The following NAALADL2 variants were observed in gnomAD, a reference collection of about 807,000 sequenced individuals.
The protein encoded by NAALADL2 is N-acetylated alpha-linked acidic dipeptidase like 2, also known as inactive N-acetylated-alpha-linked acidic dipeptidase-like protein 2.
In NAALADL2, 76 loss-of-function variants were observed where a neutral mutation model predicts 87.2. That is an observed-to-expected ratio of 0.87 (90% CI 0.72 to 1.05). NAALADL2 has a LOEUF of 1.05. Among genes scored for constraint, NAALADL2 ranks in the 50% least tolerant of loss-of-function variants. The pLI is 0.00. For missense variants in NAALADL2, 1,089 were observed against 945.8 expected (o/e 1.15, Z -1.99); for synonymous variants, 354 against 331.0 (o/e 1.07, Z -0.75).
chr3:175,469,037 CAATT>C (rs1724507037), intron 8 of NAALADL2, among the ~76,000 whole-genome samples: 1 of 151,960 alleles, frequency 6.6e-6, no homozygotes, highest in South Asian at 2.1e-4. Flanking sequence ...CTATTCAAAA[CAATT>C]AAGTACCAAT....
At chr3:174,885,932 T>A (rs1003582656) in intron 1 of NAALADL2, among the ~76,000 whole-genome samples, 70 of 114,676 alleles carry the variant, frequency 6.1e-4, no homozygotes, top group African/African-American at 1.8e-3. Flanking sequence ...TTTTTTTTTT[T>A]AGATGGAGTC....
chr3:174,804,118 ATTTG>A (rs1719178308), intron 3 of NAALADL2, among the ~76,000 whole-genome samples: 1 of 151,940 alleles, frequency 6.6e-6, no homozygotes, highest in Non-Finnish European at 1.5e-5. Flanking sequence ...ATGTTCTTCC[ATTTG>A]TTTGTGTCCT....
intron 4 of NAALADL2, among the ~76,000 whole-genome samples, chr3:175,296,302 T>G (rs1330185266): frequency 6.6e-6 from 1 of 152,158 alleles, no homozygotes; most frequent in African/African-American, 2.4e-5. Flanking sequence ...ATGGAAGAGC[T>G]GTCCTGCTCA....
chr3:175,754,654 T>C (rs1747028727), intron 12 of NAALADL2, among the ~76,000 whole-genome samples: 1 of 152,228 alleles, frequency 6.6e-6, no homozygotes, highest in African/African-American at 2.4e-5. Flanking sequence ...ACTCGGTTTT[T>C]ATTTTCTTCC....
intron 3 of NAALADL2, among the ~76,000 whole-genome samples, chr3:174,811,965 C>T (rs9290521): frequency 0.18 from 27,711 of 151,916 alleles, 2,817 homozygotes; most frequent in East Asian, 0.35. Flanking sequence ...GGCACCTCCC[C>T]CTCTTTCTCT....
At chr3:175,172,937 A>G (rs150149472) in intron 2 of NAALADL2, among the ~76,000 whole-genome samples, 210 of 152,248 alleles carry the variant, frequency 1.4e-3, no homozygotes, top group African/African-American at 4.9e-3. Flanking sequence ...GCAAAGGAAT[A>G]AAAGTACAGC....
At chr3:174,740,511 A>T (rs1048700719) in intron 3 of NAALADL2, among the ~76,000 whole-genome samples, 9 of 151,942 alleles carry the variant, frequency 5.9e-5, no homozygotes, top group Non-Finnish European at 1.3e-4. Context: ...ATGAGTATGA[A>T]TTAAATTTAG....
intron 2 of NAALADL2, among the ~76,000 whole-genome samples, chr3:174,584,095 TA>T (rs1716442951): frequency 6.6e-6 from 1 of 152,164 alleles, no homozygotes; most frequent in South Asian, 2.1e-4. Flanking sequence ...AGCTGGATGC[TA>T]ACAGGCTAAG....
intron 3 of NAALADL2, among the ~76,000 whole-genome samples, chr3:174,775,107 A>G (rs1336334692): frequency 6.6e-6 from 1 of 152,144 alleles, no homozygotes; most frequent in Non-Finnish European, 1.5e-5. Flanking sequence ...TTACTAGTAT[A>G]TATATACATA....
rs976054615 is a variant in NAALADL2, at chr3:174,694,171, C to G, written c.-114-43470C>G. 7.2e-5 allele frequency among the ~76,000 whole-genome samples: 11 copies of G among 152,232 alleles called. No homozygotes were observed. In the South Asian group the frequency reaches 8.3e-4, roughly 11 times the overall value. On this transcript the variant is annotated intron_variant, in intron 2 of 3. Transcript: ENST00000434257. Reference sequence around the variant, plus strand: ...TCTCTTTTGCCATACATTTCCCTATCCCTTCCTCTTCATACCACATTGAGT... The same window carrying G: ...TCTCTTTTGCCATACATTTCCCTATGCCTTCCTCTTCATACCACATTGAGT...
intron 2 of NAALADL2, among the ~76,000 whole-genome samples, chr3:175,143,104 T>A (rs1730238734): frequency 6.6e-6 from 1 of 151,954 alleles, no homozygotes; most frequent in Admixed American, 6.6e-5. Context: ...GCAAGGTACT[T>A]GCTTCAACCT....
chr3:174,870,140 G>T (rs1291227573), intron 1 of NAALADL2, among the ~76,000 whole-genome samples: 1 of 151,588 alleles, frequency 6.6e-6, no homozygotes, highest in Non-Finnish European at 1.5e-5. Context: ...CAGCATGTTT[G>T]CATTTTAGGT....
intron 4 of NAALADL2, among the ~76,000 whole-genome samples, chr3:175,323,248 A>C (rs1760168839): frequency 6.8e-6 from 1 of 147,570 alleles, no homozygotes; most frequent in East Asian, 2.0e-4. Context: ...ACAAAAAACC[A>C]AACACCGCAT....
chr3:174,515,413 C>T (rs1719883102), intron 1 of NAALADL2, among the ~76,000 whole-genome samples: 1 of 151,958 alleles, frequency 6.6e-6, no homozygotes, highest in African/African-American at 2.4e-5. Flanking sequence ...GAAATGGTGT[C>T]TTGAAAAGTC....
intron 4 of NAALADL2, among the ~76,000 whole-genome samples, chr3:175,267,395 AT>A (rs899341354): frequency 1.3e-5 from 2 of 151,824 alleles, no homozygotes; most frequent in Non-Finnish European, 1.5e-5. Flanking sequence ...TAAGTAATTT[AT>A]TTTTTTTACC....
At chr3:175,702,916 G>GAA (rs998556667) in intron 11 of NAALADL2, among the ~76,000 whole-genome samples, 161 of 145,598 alleles carry the variant, frequency 1.1e-3, no homozygotes, top group African/African-American at 3.9e-3. Flanking sequence ...TTGAGGAAAA[G>GAA]AAAAAAAAAA....
At chr3:174,707,760 G>T (rs546290589) in intron 2 of NAALADL2, among the ~76,000 whole-genome samples, 2 of 151,570 alleles carry the variant, frequency 1.3e-5, no homozygotes, top group African/African-American at 4.9e-5. Context: ...AATCCTGCAC[G>T]TTGTGCACAT....
At chr3:175,456,591 A>G (rs1722355578) in intron 6 of NAALADL2, among the ~76,000 whole-genome samples, 1 of 152,114 alleles carries the variant, frequency 6.6e-6, no homozygotes, top group African/African-American at 2.4e-5. Flanking sequence ...AGAAAGTTGC[A>G]ATAGTAAAAG....
At position 175,213,072 on chromosome 3, in the gene NAALADL2, C is replaced by T. The variant is rs191772581; in HGVS notation, c.546-20859C>T. ...GAGTGCTTATGCTTATTGCTTATTA[C>T]GCAATTTACAAACATTAATGCTTTT... On this transcript the variant is annotated intron_variant, in intron 2 of 13. Coordinates refer to ENST00000454872, the MANE Select transcript of NAALADL2 (RefSeq NM_207015.3). Among the ~76,000 whole-genome samples, 142 of 152,174 alleles carry T rather than the reference C, an allele frequency of 9.3e-4. 2 individuals carry two copies. The highest frequency in any genetic ancestry group is 3.4e-3 in the Middle Eastern group (1 of 294).
Sources: gnomAD v4.1 joint callset for allele counts (sites outside exome capture counted in the v4.1 genomes callset) on GRCh38, gnomAD v4.1.1 for gene constraint, MANE v1.5 for transcripts, NCBI Gene and HGNC (gene_info 2026-07-23, HGNC 2026-07-21) for gene names.